Variants in FHIT observed in about 807,000 individuals in gnomAD.
FHIT encodes bis(5'-adenosyl)-triphosphatase.
FHIT carries 19 observed loss-of-function variants against 17.9 expected under a neutral mutation model. The ratio of observed to expected loss-of-function variants is 1.06; its 90% CI spans 0.74 to 1.56. FHIT has a LOEUF of 1.56. Among genes scored for constraint, FHIT ranks in the 40% most tolerant of loss-of-function variants. The pLI is 0.00. For missense variants in FHIT, 248 were observed against 189.2 expected, an observed-to-expected ratio of 1.31 and a Z score of -1.82; for synonymous variants, 81 against 69.7, an observed-to-expected ratio of 1.16 and a Z score of -0.81.
chr3:60,203,062 T>TA (rs1702988716), intron 5 of FHIT, among the ~76,000 whole-genome samples: 4 of 151,996 alleles, frequency 2.6e-5, no homozygotes, highest in Admixed American at 1.3e-4. Flanking sequence ...GTAAAATTGG[T>TA]AAAATCTGAC....
At chr3:61,207,253 T>G (rs937550645) in intron 1 of FHIT, among the ~76,000 whole-genome samples, 1 of 152,188 alleles carries the variant, frequency 6.6e-6, no homozygotes, top group Non-Finnish European at 1.5e-5. Flanking sequence ...GCATTGATGT[T>G]CATCAGGGAT....
At chr3:60,870,319 G>T (rs1553754769) in intron 3 of FHIT, among the ~76,000 whole-genome samples, 1 of 152,084 alleles carries the variant, frequency 6.6e-6, no homozygotes, top group African/African-American at 2.4e-5. Flanking sequence ...ATATTAACAT[G>T]TTTATGGGTA....
chr3:61,242,340 C>T (rs4315681), intron 1 of FHIT, among the ~76,000 whole-genome samples: 64,197 of 151,742 alleles, frequency 0.42, 16,494 homozygotes, highest in East Asian at 0.78. Flanking sequence ...AAGCAGGGCA[C>T]AGATTTTCCT....
At chr3:60,119,374 A>G (rs967836516) in intron 5 of FHIT, among the ~76,000 whole-genome samples, 1 of 139,598 alleles carries the variant, frequency 7.2e-6, no homozygotes, top group African/African-American at 2.5e-5. Context: ...TGCCCAGCCT[A>G]TATTTCTTTA....
At chr3:61,212,977 G>A (rs1457253564) in intron 1 of FHIT, among the ~76,000 whole-genome samples, 2 of 152,132 alleles carry the variant, frequency 1.3e-5, no homozygotes, top group Non-Finnish European at 2.9e-5. Flanking sequence ...TCACCACCAG[G>A]CCTGCCCTAA....
At chr3:60,017,368 C>G (rs375070117) in intron 5 of FHIT, among the ~76,000 whole-genome samples, 22 of 152,316 alleles carry the variant, frequency 1.4e-4, no homozygotes, top group African/African-American at 5.3e-4. Context: ...AGAGTACCAG[C>G]TTGCCTGAAC....
At chr3:61,028,036 T>G (rs1477350756) in intron 3 of FHIT, among the ~76,000 whole-genome samples, 1 of 152,206 alleles carries the variant, frequency 6.6e-6, no homozygotes, top group East Asian at 1.9e-4. Flanking sequence ...TAGAAGCTCT[T>G]AAGCAGAGCC....
chr3:60,827,618 A>C (rs1355462494), intron 3 of FHIT, among the ~76,000 whole-genome samples: 2 of 152,222 alleles, frequency 1.3e-5, no homozygotes, highest in East Asian at 3.9e-4. Flanking sequence ...ACTTATAATA[A>C]TGTGGCTGCT....
rs79158809 is a variant in FHIT, at chr3:60,122,819, A to G, written c.104-108667T>C. Among the ~76,000 whole-genome samples the G allele has an allele frequency of 5.4e-4, 82 of 152,356 alleles. 1 individual carries two copies. The highest frequency in any genetic ancestry group is 1.9e-3 in the African/African-American group (78 of 41,580). On this transcript the variant is annotated intron_variant, in intron 5 of 9. Transcript: ENST00000492590. The stretch of plus-strand genomic sequence containing the variant: ...AGAATAAATGTTAGTTAAACTTTAA[A>G]GATTAAATTACAAATTTACTCAAGT...
chr3:61,188,844 T>G (rs1387694406), intron 2 of FHIT, among the ~76,000 whole-genome samples: 2 of 152,052 alleles, frequency 1.3e-5, no homozygotes, highest in Non-Finnish European at 2.9e-5. Flanking sequence ...CATGATTATC[T>G]CAATAGATGC....
chr3:60,910,404 TTCTC>T (rs1307858775), intron 3 of FHIT, among the ~76,000 whole-genome samples: 1 of 147,706 alleles, frequency 6.8e-6, no homozygotes, highest in African/African-American at 2.5e-5. Flanking sequence ...TTACAGGTCT[TTCTC>T]TCTTTTTTTT....
intron 5 of FHIT, among the ~76,000 whole-genome samples, chr3:60,152,451 G>A (rs1309782691): frequency 6.6e-6 from 1 of 152,194 alleles, no homozygotes; most frequent in Non-Finnish European, 1.5e-5. Flanking sequence ...GCAGGCCGCA[G>A]CTACTTCCAG....
intron 5 of FHIT, among the ~76,000 whole-genome samples, chr3:60,018,264 G>A (rs1255587927): frequency 1.3e-5 from 2 of 152,142 alleles, no homozygotes; most frequent in African/African-American, 4.8e-5. Flanking sequence ...GAGCAGTAGA[G>A]AGCTCACTGG....
rs1308878423 is a variant in FHIT, at chr3:60,092,177, TAAATGAATGA to T, written c.104-78035_104-78026del. Among the ~76,000 whole-genome samples, 5 of 152,332 alleles carry T rather than the reference TAAATGAATGA, an allele frequency of 3.3e-5. No homozygotes were observed. In the East Asian group the frequency reaches 9.6e-4, roughly 29 times the overall value. Reference sequence around the variant, plus strand: ...TTGCAGATACTGAACACACATCTGTTAAATGAATGAAAATGAATGAAAGAATAAATGATTA... The same window carrying T: ...TTGCAGATACTGAACACACATCTGTTAAATGAATGAAAGAATAAATGATTA... On this transcript the variant is annotated intron_variant, in intron 5 of 9. Transcript: ENST00000492590.
chr3:60,360,849 A>T (rs1699879134), intron 5 of FHIT, among the ~76,000 whole-genome samples: 1 of 152,112 alleles, frequency 6.6e-6, no homozygotes, highest in Non-Finnish European at 1.5e-5. Flanking sequence ...CACCTTCAAA[A>T]CAAATGTCTG....
chr3:59,809,387 C>T (rs1575531205), intron 8 of FHIT, among the ~76,000 whole-genome samples: 1 of 152,320 alleles, frequency 6.6e-6, no homozygotes, highest in East Asian at 1.9e-4. Context: ...CCAGAACTTT[C>T]AGAGAGAGCA....
intron 8 of FHIT, among the ~76,000 whole-genome samples, chr3:59,885,585 C>T (rs1467815219): frequency 6.6e-6 from 1 of 152,070 alleles, no homozygotes; most frequent in Non-Finnish European, 1.5e-5. Context: ...TTTGATCATC[C>T]ACTTTTCAAG....
chr3:60,942,833 G>A (rs12497047), intron 3 of FHIT, among the ~76,000 whole-genome samples: 37,263 of 151,900 alleles, frequency 0.25, 5,679 homozygotes, highest in East Asian at 0.6. Context: ...ATACATTTAT[G>A]AGTCTATAAA....
intron 3 of FHIT, among the ~76,000 whole-genome samples, chr3:61,034,360 T>C (rs979026584): frequency 6.6e-6 from 1 of 152,134 alleles, no homozygotes; most frequent in Non-Finnish European, 1.5e-5. Flanking sequence ...TTGTAAATCA[T>C]ATATTTGACA....
Sources: allele counts gnomAD v4.1 joint callset (sites outside exome capture counted in the v4.1 genomes callset), GRCh38; gene constraint gnomAD v4.1.1; transcripts MANE v1.5; gene names NCBI Gene and HGNC (gene_info 2026-07-23, HGNC 2026-07-21).